Variants in BTBD9 observed in about 807,000 individuals in gnomAD.
BTBD9 encodes BTB/POZ domain-containing protein 9.
In BTBD9, 49 loss-of-function variants were observed where a neutral mutation model predicts 64.3. The ratio of observed to expected loss-of-function variants is 0.76; its 90% CI spans 0.61 to 0.97. BTBD9 has a LOEUF of 0.97. BTBD9 is among the 50% of genes least tolerant of loss of function. The probability of loss-of-function intolerance (pLI) is 0.00; values close to 1 mark genes in which losing one functional copy is unlikely to be tolerated. For missense variants in BTBD9, 598 were observed against 762.1 expected, an observed-to-expected ratio of 0.78 and a Z score of 2.53; for synonymous variants, 260 against 274.7, an observed-to-expected ratio of 0.95 and a Z score of 0.53.
In BTBD9 at chr6:38,253,419, T is replaced by C. The variant is rs887792017; in HGVS notation, c.1562+2990A>G. Among the ~76,000 whole-genome samples the C allele has an allele frequency of 2.0e-5, 3 of 152,268 alleles. No individual in the cohort carries two copies. The Middle Eastern group carries it at 0.01, about 518-fold the overall frequency. ...CTCACTCACTATCACAAGGACAGCA[T>C]GGGGGAAACTGCCCCCATGATCCAG... On this transcript the variant is annotated intron_variant, in intron 9 of 10. Transcript: ENST00000481247.
chr6:38,313,044 A>G lies in BTBD9; in HGVS notation c.1265-24583T>C, dbSNP rs117198059. ...GATTCTTTCAATCCATGGACATGAAATATCTTTACTTTTTTTGTGTCTTCT... is the reference window on the plus strand; with the variant it reads ...GATTCTTTCAATCCATGGACATGAAGTATCTTTACTTTTTTTGTGTCTTCT... On this transcript the variant is annotated intron_variant, in intron 7 of 10. Coordinates refer to ENST00000481247, the MANE Select transcript of BTBD9 (RefSeq NM_001099272.2). 1.2e-4 allele frequency among the ~76,000 whole-genome samples: 19 copies of G among 152,298 alleles called. No individual in the cohort carries two copies. The East Asian group carries it at 3.7e-3, about 29-fold the overall frequency.
intron 2 of BTBD9, among the ~76,000 whole-genome samples, chr6:38,595,296 T>C (rs560393063): frequency 2.0e-5 from 3 of 152,326 alleles, no homozygotes; most frequent in Admixed American, 6.5e-5. Flanking sequence ...AAGACTTTCA[T>C]CTGTTACTTT....
rs70981541 is a variant in BTBD9, at chr6:38,328,968, A to ATGTGTGTG, written c.1264+16008_1264+16015dup. The stretch of plus-strand genomic sequence containing the variant: ...TCTCAAAAAAAAAAAGAAAGAAAAT[A>ATGTGTGTG]TGTGTGTGTGTGTGTGTGTGTGTGT... On this transcript the variant is annotated intron_variant, in intron 7 of 10. Transcript: ENST00000481247. Among the ~76,000 whole-genome samples the ATGTGTGTG allele has an allele frequency of 6.0e-3, 765 of 127,356 alleles. 6 individuals are homozygous for ATGTGTGTG. Among genetic ancestry groups the ATGTGTGTG allele is most frequent in the African/African-American group, 0.016 (515 of 33,174 alleles). 83.6% of individuals were successfully genotyped at this position (127,356 alleles called of 152,430 possible). A position where few individuals can be genotyped will look rare whatever the true frequency, so the allele number is the denominator to read the frequency against.
intron 6 of BTBD9, among the ~76,000 whole-genome samples, chr6:38,347,309 A>C (rs1466505221): frequency 6.6e-6 from 1 of 152,202 alleles, no homozygotes; most frequent in Non-Finnish European, 1.5e-5. Flanking sequence ...AAAAGCATTG[A>C]GAGATGCCTC....
intron 6 of BTBD9, chr6:38,504,459 C>A (rs1772366442): frequency 4.7e-6 from 2 of 426,346 alleles, no homozygotes; most frequent in Non-Finnish European, 9.5e-6. Context: ...AAAGTCCAAT[C>A]CCTCTACTGA....
chr6:38,375,933 A>AAGAAAG (rs747367142), intron 6 of BTBD9, among the ~76,000 whole-genome samples: 2 of 135,024 alleles, frequency 1.5e-5, no homozygotes, highest in African/African-American at 5.9e-5. Context: ...GAAAGAAAGA[A>AAGAAAG]AGAAAGAAGG....
chr6:38,436,081 A>T (rs1198220561), intron 6 of BTBD9, among the ~76,000 whole-genome samples: 1 of 151,950 alleles, frequency 6.6e-6, no homozygotes, highest in Non-Finnish European at 1.5e-5. Flanking sequence ...TTCCTTAAGT[A>T]TCCTGAAACT....
intron 10 of BTBD9, 59 bp from the exon 11 acceptor site, chr6:38,175,241 GC>G: frequency 6.3e-7 from 1 of 1,578,196 alleles, no homozygotes; most frequent in Non-Finnish European, 8.7e-7. Flanking sequence ...CCCTGGAGTT[GC>G]CGCAAGTTGG....
At chr6:38,578,048 A>G (rs566130388) in intron 5 of BTBD9, among the ~76,000 whole-genome samples, 1 of 152,312 alleles carries the variant, frequency 6.6e-6, no homozygotes, top group East Asian at 1.9e-4. Context: ...AAACATGGTC[A>G]GGATGTCTCA....
chr6:38,333,721 A>T (rs1269806714), intron 7 of BTBD9, among the ~76,000 whole-genome samples: 1 of 152,230 alleles, frequency 6.6e-6, no homozygotes, highest in Non-Finnish European at 1.5e-5. Flanking sequence ...TACAGCCCAC[A>T]AAACCATGAG....
chr6:38,287,115 C>T (rs867561902), intron 8 of BTBD9, among the ~76,000 whole-genome samples: 44 of 126,632 alleles, frequency 3.5e-4, no homozygotes, highest in African/African-American at 1.3e-3. Flanking sequence ...AATATACACA[C>T]ACACACACAC....
chr6:38,330,637 A>G (rs886674759), intron 7 of BTBD9, among the ~76,000 whole-genome samples: 2 of 152,246 alleles, frequency 1.3e-5, no homozygotes, highest in African/African-American at 4.8e-5. Context: ...TGGAAAGAAT[A>G]GCCTAGAAAA....
rs148640474 is a variant in BTBD9 at position 38,339,848 on chromosome 6, A to G, written c.1264+5136T>C. Among the ~76,000 whole-genome samples the G allele has an allele frequency of 2.0e-3, 307 of 152,360 alleles. 1 individual carries two copies. The highest frequency in any genetic ancestry group is 6.3e-3 in the African/African-American group (261 of 41,584). ...GATGAACCTAATTGTATACTGAAATAGTGGCATAACTACACAGAGAATCGT... is the reference window on the plus strand; with the variant it reads ...GATGAACCTAATTGTATACTGAAATGGTGGCATAACTACACAGAGAATCGT... On this transcript the variant is annotated intron_variant, in intron 7 of 10. Transcript: ENST00000481247.
chr6:38,594,067 G>A lies in BTBD9; in HGVS notation c.446C>T (p.Ala149Val), dbSNP rs759711779. 6 of 1,614,094 alleles carry A rather than the reference G, an allele frequency of 3.7e-6. No homozygotes were observed. The highest frequency in any genetic ancestry group is 5.1e-6 in the Non-Finnish European group (6 of 1,179,990). The change falls in exon 3 of 11, where the codon GCC (alanine) becomes GTC (valine). Residue 149 changes from alanine (A) to valine (V), a missense_variant. Ala to Val is a moderately conservative substitution (Grantham distance 64). Coordinates refer to ENST00000481247, the MANE Select transcript of BTBD9 (RefSeq NM_001099272.2). ...IQNVCMTFDVASLYSLPKLTC... is the reference protein window; with the variant it reads ...IQNVCMTFDVVSLYSLPKLTC... ...TAACTTGGGAAGTGAGTAGAGACTG[G>A]CAACATCAAAAGTCATGCAGACATT...
chr6:38,493,822 GT>G (rs1771808270), intron 6 of BTBD9, among the ~76,000 whole-genome samples: 1 of 152,122 alleles, frequency 6.6e-6, no homozygotes, highest in African/African-American at 2.4e-5. Context: ...AGGGAAATTG[GT>G]TTTAGCGTTT....
At chr6:38,598,426 C>T (rs1777131142) in intron 1 of BTBD9, among the ~76,000 whole-genome samples, 1 of 152,060 alleles carries the variant, frequency 6.6e-6, no homozygotes, top group Non-Finnish European at 1.5e-5. Context: ...CTTACAGTAC[C>T]TTAGGAAAAG....
chr6:38,316,959 T>C (rs1486794803), intron 7 of BTBD9, among the ~76,000 whole-genome samples: 1 of 152,204 alleles, frequency 6.6e-6, no homozygotes, highest in Non-Finnish European at 1.5e-5. Flanking sequence ...TTTTTCTGGA[T>C]ATACTATTCT....
intron 7 of BTBD9, among the ~76,000 whole-genome samples, chr6:38,336,101 C>T (rs1401255971): frequency 6.6e-6 from 1 of 152,146 alleles, no homozygotes; most frequent in Non-Finnish European, 1.5e-5. Context: ...TGACCACATA[C>T]TAAGCTGAGA....
rs76362323 is a variant in BTBD9 at position 38,199,553 on chromosome 6, G to A, written c.1563-6956C>T. Among the ~76,000 whole-genome samples the A allele has an allele frequency of 6.6e-3, 998 of 152,330 alleles. 3 individuals are homozygous for A. The highest frequency in any genetic ancestry group is 0.011 in the Non-Finnish European group (717 of 68,032). On this transcript the variant is annotated intron_variant, in intron 9 of 10. Coordinates refer to ENST00000481247, the MANE Select transcript of BTBD9 (RefSeq NM_001099272.2). ...ACAGAAAAAAAACAAATTTATCAGCGTTAAAAAGGGGCTATGGAGAAACAC... is the reference window on the plus strand; with the variant it reads ...ACAGAAAAAAAACAAATTTATCAGCATTAAAAAGGGGCTATGGAGAAACAC...
Sources: gnomAD v4.1 joint callset for allele counts (sites outside exome capture counted in the v4.1 genomes callset) on GRCh38, gnomAD v4.1.1 for gene constraint, MANE v1.5 for transcripts, NCBI Gene and HGNC (gene_info 2026-07-23, HGNC 2026-07-21) for gene names.